The following UBE3B variants were observed in gnomAD, a reference collection of about 807,000 sequenced individuals.
UBE3B encodes the protein ubiquitin-protein ligase E3B.
UBE3B carries 80 observed loss-of-function variants against 132.3 expected under a neutral mutation model. That is an observed-to-expected ratio of 0.60 (90% CI 0.50 to 0.73). The LOEUF (loss-of-function observed/expected upper bound fraction) is 0.73. Among genes scored for constraint, UBE3B ranks in the 30% least tolerant of loss-of-function variants. The probability of loss-of-function intolerance (pLI) is 0.00; values close to 1 mark genes in which losing one functional copy is unlikely to be tolerated. For synonymous variants in UBE3B, 487 were observed against 520.4 expected (o/e 0.94, Z 0.87); for missense variants, 1,196 against 1,362.5 (o/e 0.88, Z 1.92).
At chr12:109,523,917 C>G (rs753285450) in intron 21 of UBE3B, 61 bp from the exon 22 acceptor site, 4 of 1,603,442 alleles carry the variant, frequency 2.5e-6, no homozygotes, top group Non-Finnish European at 2.6e-6. Flanking sequence ...TGAGCCACCC[C>G]AATCCAAACA....
chr12:109,511,430 G>A (rs1403057229), intron 18 of UBE3B, 127 bp downstream of exon 18: 3 of 835,520 alleles, frequency 3.6e-6, no homozygotes, highest in Non-Finnish European at 3.8e-6. Flanking sequence ...CAAGGAAACG[G>A]TGGTTGCTAT....
intron 10 of UBE3B, 142 bp downstream of exon 10, chr12:109,498,065 C>G: frequency 7.6e-7 from 1 of 1,308,950 alleles, no homozygotes. Context: ...GTGATAGACA[C>G]ATTTGTGTTA....
Position 109,534,038 on chromosome 12 carries a change from C to G in UBE3B, c.3015+480C>G, listed in dbSNP as rs926001473. 7.7e-7 allele frequency: 1 copy of G among 1,294,978 alleles called. No homozygotes were observed. Among genetic ancestry groups the G allele is most frequent in the South Asian group, 1.2e-5 (1 of 81,086 alleles). 80.2% of individuals were successfully genotyped at this position (1,294,978 alleles called of 1,614,324 possible). ...GTTACGGAGCTCTGTGTGTCTCAAG[C>G]CTGGCCCACTGTGGGTGCTCAAATG... On this transcript the variant is annotated intron_variant, in intron 27 of 27. Transcript: ENST00000342494. The surrounding 1 kb of genome is among the most constrained non-coding windows in gnomAD (Gnocchi z 5.2).
intron 2 of UBE3B, 144 bp downstream of exon 2, chr12:109,481,886 CT>C (rs1875517193): frequency 6.6e-6 from 1 of 152,146 alleles, no homozygotes; most frequent in Non-Finnish European, 1.5e-5. Context: ...CCCACAATTA[CT>C]TTTGTACCAA....
rs572845808 is a variant in UBE3B, at chr12:109,536,499, G to A, written c.*1717G>A. The A allele has an allele frequency of 2.6e-5, 4 of 152,300 alleles. No homozygotes were observed. The highest frequency in any genetic ancestry group is 5.9e-5 in the Non-Finnish European group (4 of 68,032). The allele number at this position is 152,300 out of a possible 1,614,324, so 9.4% of individuals were successfully genotyped here. ...TCATGTGGATTTTTGACAAGGAGGG[G>A]TAGTTTGTAATTTCATTTAAATTCT... On this transcript the variant is annotated 3_prime_UTR_variant, in exon 28 of 28. Transcript: ENST00000342494.
rs1248965822 is a variant in UBE3B at position 109,488,591 on chromosome 12, C to G, written c.467C>G (p.Ser156Cys). The change falls in exon 7 of 28, where the codon TCC (serine) becomes TGC (cysteine). Residue 156 changes from serine (S) to cysteine (C), a missense_variant. Coordinates refer to ENST00000342494, the MANE Select transcript of UBE3B (RefSeq NM_130466.4). ...KQLKPEILQD[S>C]RLITLYLTML... ...TTCCAGCCTGAAATCCTGCAGGACT[C>G]CCGACTCATCACCCTGTACCTCACG... 28 of 1,614,050 alleles carry G rather than the reference C, an allele frequency of 1.7e-5. No homozygotes were observed. Among genetic ancestry groups the G allele is most frequent in the Non-Finnish European group, 3.4e-6 (4 of 1,180,002 alleles).
At chr12:109,488,728 C>G in intron 7 of UBE3B, 60 bp downstream of exon 7, 1 of 1,522,136 alleles carries the variant, frequency 6.6e-7, no homozygotes, top group Non-Finnish European at 9.1e-7. Context: ...AGCTCAGGGA[C>G]CTTTTTTCCT....
chr12:109,515,121 G>GC (rs1444163119), intron 18 of UBE3B, among the ~76,000 whole-genome samples: 6 of 151,510 alleles, frequency 4.0e-5, no homozygotes, highest in African/African-American at 1.2e-4. Context: ...CACCGTGTTA[G>GC]CCAGGATGGT....
intron 1 of UBE3B, among the ~76,000 whole-genome samples, chr12:109,480,841 A>G (rs764646552): frequency 6.6e-6 from 1 of 152,142 alleles, no homozygotes; most frequent in Non-Finnish European, 1.5e-5. Flanking sequence ...CAGTACCTCA[A>G]AACAGCCACT....
chr12:109,539,659 T>G (rs10466917), downstream of UBE3B, among the ~76,000 whole-genome samples: 60,443 of 152,050 alleles, frequency 0.4, 12,714 homozygotes, highest in African/African-American at 0.54. Context: ...CTGTGATAAC[T>G]GTCATTATTT....
chr12:109,491,833 C>G (rs1206102054), intron 9 of UBE3B: 1 of 152,220 alleles, frequency 6.6e-6, no homozygotes, highest in Non-Finnish European at 1.5e-5. Context: ...ATGCTGAGAG[C>G]TCTGAGAAGT....
intron 5 of UBE3B, 37 bp from the exon 6 acceptor site, chr12:109,486,434 T>A: frequency 1.3e-6 from 2 of 1,518,202 alleles, no homozygotes; most frequent in South Asian, 2.3e-5. Flanking sequence ...ATGATCTCTA[T>A]AACAGCCCAT....
chr12:109,488,475 C>A, intron 6 of UBE3B, 97 bp from the exon 7 acceptor site: 1 of 1,082,160 alleles, frequency 9.2e-7, no homozygotes, highest in Non-Finnish European at 1.4e-6. Context: ...CTCAGTGATT[C>A]CAGGCTGAGT....
chr12:109,524,588 GA>G, intron 23 of UBE3B, 85 bp downstream of exon 23: 1 of 1,476,002 alleles, frequency 6.8e-7, no homozygotes, highest in Non-Finnish European at 9.4e-7. Flanking sequence ...TCCTCAGAAA[GA>G]GCCCCAAGCT....
chr12:109,525,051 GC>G (rs1030452952), intron 23 of UBE3B, among the ~76,000 whole-genome samples: 4 of 152,138 alleles, frequency 2.6e-5, no homozygotes, highest in Admixed American at 2.6e-4. Context: ...AGGTCCAAGG[GC>G]CGCTCAGGAG....
intron 9 of UBE3B, chr12:109,491,927 T>A (rs1002313831): frequency 1.3e-5 from 2 of 152,232 alleles, no homozygotes; most frequent in Non-Finnish European, 2.9e-5. Context: ...CCCTGCCTTG[T>A]TTTTTGGATG....
At chr12:109,539,383 C>T (rs1476071172), downstream of UBE3B, among the ~76,000 whole-genome samples, 1 of 152,222 alleles carries the variant, frequency 6.6e-6, no homozygotes, top group Admixed American at 6.5e-5. Flanking sequence ...AGAGCATGTG[C>T]TCCAGAGCCC....
At chr12:109,487,501 T>C (rs1015332097) in intron 6 of UBE3B, among the ~76,000 whole-genome samples, 1 of 152,248 alleles carries the variant, frequency 6.6e-6, no homozygotes, top group African/African-American at 2.4e-5. Flanking sequence ...ATGCCTGGCT[T>C]GTCAGGTGAG....
Position 109,510,309 on chromosome 12 carries a change from TC to T in UBE3B, c.1742-33del, listed in dbSNP as rs1303732915. On this transcript the variant is annotated intron_variant, in intron 16 of 27. Coordinates refer to ENST00000342494, the MANE Select transcript of UBE3B (RefSeq NM_130466.4). The stretch of plus-strand genomic sequence containing the variant: ...CCTCCCCTTGCTCTCTGGCTCTGAC[TC>T]CTCCTCTGACTTTCCTGTTTGTTTG... The T allele has an allele frequency of 3.2e-6, 5 of 1,542,490 alleles. No individual in the cohort carries two copies. The South Asian group carries it at 5.9e-5, about 18-fold the overall frequency.
Sources: gnomAD v4.1 joint callset for allele counts (sites outside exome capture counted in the v4.1 genomes callset) on GRCh38, gnomAD v4.1.1 for gene constraint, Gnocchi (gnomAD v3.1) non-coding constraint, MANE v1.5 for transcripts, NCBI Gene and HGNC (gene_info 2026-07-23, HGNC 2026-07-21) for gene names.